The following GLYATL2 variants were observed in gnomAD, a reference collection of about 807,000 sequenced individuals.
GLYATL2 encodes the protein glycine N-acyltransferase-like protein 2.
GLYATL2 carries 25 observed loss-of-function variants against 21.4 expected under a neutral mutation model. The observed-to-expected ratio is 1.17, with a 90% CI of 0.85 to 1.63. GLYATL2 has a LOEUF of 1.63. GLYATL2 is among the 40% of genes most tolerant of loss of function. The pLI, the probability that GLYATL2 is intolerant of heterozygous loss-of-function variation, is 0.00. For synonymous variants in GLYATL2, 114 were observed against 118.2 expected (o/e 0.96, Z 0.23); for missense variants, 361 against 343.3 (o/e 1.05, Z -0.41).
intron 1 of GLYATL2, among the ~76,000 whole-genome samples, chr11:58,875,384 T>C (rs1451431447): frequency 2.0e-5 from 3 of 152,208 alleles, no homozygotes; most frequent in Non-Finnish European, 4.4e-5. Context: ...CTTCCTAGCA[T>C]TGATGGTCTT....
At chr11:58,896,515 G>T (rs2134626337) in intron 1 of GLYATL2, among the ~76,000 whole-genome samples, 1 of 152,218 alleles carries the variant, frequency 6.6e-6, no homozygotes, top group Middle Eastern at 3.4e-3. Context: ...CATTTCCCTA[G>T]ACAAATGATG....
At chr11:58,867,170 G>A (rs1384256619) in intron 1 of GLYATL2, among the ~76,000 whole-genome samples, 1 of 148,836 alleles carries the variant, frequency 6.7e-6, no homozygotes, top group Non-Finnish European at 1.5e-5. Context: ...ACTCTTTGTA[G>A]TATGAAGTAT....
At chr11:58,867,537 C>A (rs1276626042) in intron 1 of GLYATL2, among the ~76,000 whole-genome samples, 1 of 148,768 alleles carries the variant, frequency 6.7e-6, no homozygotes, top group African/African-American at 2.4e-5. Flanking sequence ...GAAGAACATT[C>A]AAGACTAGCC....
upstream of GLYATL2, chr11:58,907,280 T>A (rs1364082593): frequency 4.4e-6 from 2 of 456,194 alleles, no homozygotes; most frequent in Non-Finnish European, 8.8e-6. Flanking sequence ...TCTTGTCACC[T>A]TGGTCTCTCA....
chr11:58,834,548 A>G lies in GLYATL2; in HGVS notation c.766T>C (p.Phe256Leu). The part of the protein sequence containing the change: ...EKYLSQKEIP[F>L]YFHVADNNEK... Reference sequence around the variant, plus strand: ...TTATTATCTGCCACATGGAAATAAAATGGGATTTCTTTCTGAGAAAGATAC... The same window carrying G: ...TTATTATCTGCCACATGGAAATAAAGTGGGATTTCTTTCTGAGAAAGATAC... The change falls in exon 6 of 6, where the codon TTT (phenylalanine) becomes CTT (leucine). Residue 256 changes from phenylalanine to leucine, a missense_variant. Transcript: ENST00000287275. The G allele has an allele frequency of 3.1e-6, 5 of 1,613,784 alleles. No individual in the cohort carries two copies. Among genetic ancestry groups the G allele is most frequent in the Non-Finnish European group, 4.2e-6 (5 of 1,179,720 alleles).
chr11:58,872,670 CT>C (rs1854146764), intron 1 of GLYATL2, among the ~76,000 whole-genome samples: 1 of 152,210 alleles, frequency 6.6e-6, no homozygotes, highest in African/African-American at 2.4e-5. Flanking sequence ...CAGCACCGTG[CT>C]GTTTTGGTTA....
At chr11:58,905,529 G>C, upstream of GLYATL2, 1 of 456,256 alleles carries the variant, frequency 2.2e-6, no homozygotes, top group Non-Finnish European at 4.4e-6. Context: ...TCAAAAGGCG[G>C]AAAAAGCGCG....
At chr11:58,887,485 G>A (rs775316875) in intron 1 of GLYATL2, among the ~76,000 whole-genome samples, 3 of 152,038 alleles carry the variant, frequency 2.0e-5, no homozygotes, top group Non-Finnish European at 2.9e-5. Flanking sequence ...AATCCAACAT[G>A]ATTTTAAGAA....
intron 1 of GLYATL2, among the ~76,000 whole-genome samples, chr11:58,863,384 A>G (rs1462119721): frequency 6.6e-6 from 1 of 152,130 alleles, no homozygotes; most frequent in Non-Finnish European, 1.5e-5. Context: ...AACTGGAGAA[A>G]TGGACCTAGG....
At chr11:58,857,179 C>A (rs1392520514) in intron 1 of GLYATL2, among the ~76,000 whole-genome samples, 1 of 152,222 alleles carries the variant, frequency 6.6e-6, no homozygotes, top group Non-Finnish European at 1.5e-5. Flanking sequence ...TCCTCTCCAA[C>A]AGTTATCTTT....
intron 1 of GLYATL2, among the ~76,000 whole-genome samples, chr11:58,895,835 G>A (rs965374269): frequency 2.0e-5 from 3 of 151,682 alleles, no homozygotes; most frequent in East Asian, 1.9e-4. Flanking sequence ...TGGAAGCCAG[G>A]CATATTCAAC....
intron 1 of GLYATL2, among the ~76,000 whole-genome samples, chr11:58,842,215 G>T (rs11229657): frequency 0.26 from 39,038 of 152,014 alleles, 5,452 homozygotes; most frequent in East Asian, 0.5. Context: ...GCATACTTGT[G>T]AAATTAAGTT....
At chr11:58,843,542 A>G (rs1853590333) in intron 1 of GLYATL2, among the ~76,000 whole-genome samples, 1 of 152,192 alleles carries the variant, frequency 6.6e-6, no homozygotes, top group Admixed American at 6.5e-5. Context: ...GTAGCAAAAA[A>G]GATAAGGTAC....
rs373902576 is a variant in GLYATL2 at position 58,873,599 on chromosome 11, A to C, written n.60+30557T>G. Reference sequence around the variant, plus strand: ...ATACTGGATTACGTTTATTGATTTGAGTATGTTGAACCAGCCTTGCATCCC... The same window carrying C: ...ATACTGGATTACGTTTATTGATTTGCGTATGTTGAACCAGCCTTGCATCCC... On this transcript the variant is annotated intron_variant and non_coding_transcript_variant, in intron 1 of 4. Transcript: ENST00000533636. 6.9e-3 allele frequency among the ~76,000 whole-genome samples: 1,049 copies of C among 152,094 alleles called. 10 individuals carry two copies. The highest frequency in any genetic ancestry group is 0.024 in the African/African-American group (999 of 41,466).
chr11:58,834,716 G>T lies in GLYATL2; in HGVS notation c.598C>A (p.Leu200Ile), dbSNP rs776739993. ...KYIERCLQDF[L>I]GFGVLGPEGQ... Reference sequence around the variant, plus strand: ...TCTGGACCCAGCACACCAAATCCTAGAAAATCCTGGAGGCAGCGTTCAATA... The same window carrying T: ...TCTGGACCCAGCACACCAAATCCTATAAAATCCTGGAGGCAGCGTTCAATA... Residue 200 changes from leucine (L) to isoleucine (I), a missense_variant, in exon 6 of 6, where the codon CTA becomes ATA. Physicochemically the swap from Leu to Ile is conservative, Grantham distance 5. Transcript: ENST00000287275. 4 of 1,613,524 alleles carry T rather than the reference G, an allele frequency of 2.5e-6. No homozygotes were observed. The African/African-American group carries it at 5.3e-5, about 22-fold the overall frequency.
At chr11:58,853,588 G>T (rs1430709900) in intron 1 of GLYATL2, among the ~76,000 whole-genome samples, 3 of 152,124 alleles carry the variant, frequency 2.0e-5, no homozygotes, top group East Asian at 1.9e-4. Flanking sequence ...AGGAGAAAAA[G>T]AAATGAATAT....
chr11:58,857,919 AAAAC>A (rs1853860170), intron 1 of GLYATL2, among the ~76,000 whole-genome samples: 1 of 149,934 alleles, frequency 6.7e-6, no homozygotes, highest in Non-Finnish European at 1.5e-5. Context: ...AAAAACAAGC[AAAAC>A]AAACAAACAA....
chr11:58,855,818 T>G (rs1054481500), intron 1 of GLYATL2, among the ~76,000 whole-genome samples: 15 of 152,162 alleles, frequency 9.9e-5, no homozygotes, highest in African/African-American at 3.6e-4. Context: ...CTGCTTCCCT[T>G]TGCACTTTTA....
upstream of GLYATL2, among the ~76,000 whole-genome samples, chr11:58,845,554 T>G (rs1853628032): frequency 6.6e-6 from 1 of 152,168 alleles, no homozygotes; most frequent in Non-Finnish European, 1.5e-5. Context: ...AGTAAGCTAT[T>G]TCACCACTGC....
Sources: gnomAD v4.1 joint callset for allele counts (sites outside exome capture counted in the v4.1 genomes callset) on GRCh38, gnomAD v4.1.1 for gene constraint, MANE v1.5 for transcripts, NCBI Gene and HGNC (gene_info 2026-07-23, HGNC 2026-07-21) for gene names.